The following SLC2A14 variants were observed in gnomAD, a reference collection of about 807,000 sequenced individuals.
SLC2A14 encodes the protein solute carrier family 2, facilitated glucose transporter member 14.
SLC2A14 carries 13 observed loss-of-function variants against 43.0 expected under a neutral mutation model. That is an observed-to-expected ratio of 0.30 (90% CI 0.20 to 0.48). The LOEUF is 0.48. SLC2A14 is among the 20% of genes least tolerant of loss of function. The probability of loss-of-function intolerance (pLI) is 0.99; values close to 1 mark genes in which losing one functional copy is unlikely to be tolerated. For missense variants in SLC2A14, 428 were observed against 620.4 expected (o/e 0.69, Z 3.29); for synonymous variants, 190 against 233.8 (o/e 0.81, Z 1.71).
At chr12:7,840,662 G>A (rs903504649) in intron 2 of SLC2A14, among the ~76,000 whole-genome samples, 5 of 152,146 alleles carry the variant, frequency 3.3e-5, no homozygotes, top group Admixed American at 6.6e-5. Flanking sequence ...CTGGGATTAC[G>A]GGCGTGAGGC....
intron 2 of SLC2A14, among the ~76,000 whole-genome samples, chr12:7,869,144 C>CAAAAA (rs1029431395): frequency 8.5e-6 from 1 of 117,194 alleles, no homozygotes; most frequent in Admixed American, 8.4e-5. Flanking sequence ...AACTCCATCT[C>CAAAAA]AAAAAAAAAA....
chr12:7,861,253 T>TG (rs992101371), intron 2 of SLC2A14, among the ~76,000 whole-genome samples: 10 of 151,962 alleles, frequency 6.6e-5, no homozygotes, highest in Non-Finnish European at 7.4e-5. Flanking sequence ...TTTTTTTTGG[T>TG]GGGGGGGAGG....
chr12:7,876,079 G>C (rs1420738580), upstream of SLC2A14, among the ~76,000 whole-genome samples: 1 of 151,834 alleles, frequency 6.6e-6, no homozygotes, highest in Non-Finnish European at 1.5e-5. Context: ...AGGAGTTTGA[G>C]ACCTGCCTGG....
chr12:7,855,543 A>G (rs1392310863), intron 2 of SLC2A14, among the ~76,000 whole-genome samples: 3 of 152,150 alleles, frequency 2.0e-5, no homozygotes, highest in Non-Finnish European at 4.4e-5. Context: ...CTACCCCTGC[A>G]GCTGCCTGTT....
chr12:7,834,414 C>T (rs1233482202), intron 2 of SLC2A14, among the ~76,000 whole-genome samples: 1 of 151,842 alleles, frequency 6.6e-6, no homozygotes, highest in Non-Finnish European at 1.5e-5. Flanking sequence ...TTGACCTGGG[C>T]ACAGTGGCTC....
intron 2 of SLC2A14, among the ~76,000 whole-genome samples, chr12:7,844,728 G>T (rs1244470547): frequency 6.6e-6 from 1 of 151,904 alleles, no homozygotes; most frequent in Admixed American, 6.6e-5. Flanking sequence ...GTAAAGAGGG[G>T]TTTCACCATA....
intron 1 of SLC2A14, among the ~76,000 whole-genome samples, chr12:7,883,322 C>T (rs1945624569): frequency 7.5e-6 from 1 of 133,552 alleles, no homozygotes; most frequent in Non-Finnish European, 1.5e-5. Context: ...GGGTGGAGTG[C>T]AGGGGCGTGA....
intron 7 of SLC2A14, among the ~76,000 whole-genome samples, chr12:7,826,860 T>TCCTTCC (rs377050811): frequency 1.4e-5 from 1 of 71,402 alleles, no homozygotes; most frequent in Non-Finnish European, 2.8e-5. Context: ...CTTCCTTTCT[T>TCCTTCC]TTTTCTTTCT....
chr12:7,882,630 G>T (rs1228133970), intron 1 of SLC2A14, among the ~76,000 whole-genome samples: 1 of 152,054 alleles, frequency 6.6e-6, no homozygotes, highest in Non-Finnish European at 1.5e-5. Context: ...TGAGCTCAGG[G>T]GTTAAAGACC....
intron 1 of SLC2A14, among the ~76,000 whole-genome samples, chr12:7,879,357 C>A (rs1207143752): frequency 6.6e-6 from 1 of 151,102 alleles, no homozygotes; most frequent in Non-Finnish European, 1.5e-5. Flanking sequence ...TGCACCCCAG[C>A]CTGGATGACA....
At chr12:7,884,337 T>C (rs1945653023) in intron 1 of SLC2A14, among the ~76,000 whole-genome samples, 1 of 152,140 alleles carries the variant, frequency 6.6e-6, no homozygotes, top group African/African-American at 2.4e-5. Context: ...TCCAACCCCT[T>C]TGCAATAACT....
intron 1 of SLC2A14, chr12:7,890,986 T>C (rs1451925573): frequency 5.9e-6 from 9 of 1,533,780 alleles, no homozygotes; most frequent in Non-Finnish European, 7.9e-6. Context: ...ATCTATCTAG[T>C]TCCACTTACC....
In SLC2A14 at chr12:7,872,837, C is replaced by A; in HGVS notation, c.-88G>T. On this transcript the variant is annotated 5_prime_UTR_variant, in exon 1 of 11. Transcript: ENST00000431042. ...AGACCCCGCGACTGCGGTTGGGCCC[C>A]GCGGCTTCGCTCAACCACGCACCTC... 3.0e-6 allele frequency: 3 copies of A among 985,418 alleles called. No homozygotes were observed. Among genetic ancestry groups the A allele is most frequent in the Non-Finnish European group, 3.6e-6 (3 of 830,052 alleles). 61.0% of individuals were successfully genotyped at this position (985,418 alleles called of 1,614,324 possible).
chr12:7,862,834 C>G (rs1215689976), intron 2 of SLC2A14, among the ~76,000 whole-genome samples: 2 of 152,202 alleles, frequency 1.3e-5, no homozygotes, highest in East Asian at 1.9e-4. Context: ...CTTGGAGAAT[C>G]TGTGTGTGGA....
chr12:7,864,920 T>C (rs1944826384), intron 2 of SLC2A14, among the ~76,000 whole-genome samples: 1 of 152,148 alleles, frequency 6.6e-6, no homozygotes, highest in Admixed American at 6.6e-5. Flanking sequence ...GTCACTCTGG[T>C]TTCTGCTCAA....
At chr12:7,851,514 A>G (rs996432251) in intron 2 of SLC2A14, among the ~76,000 whole-genome samples, 1 of 152,182 alleles carries the variant, frequency 6.6e-6, no homozygotes, top group Admixed American at 6.6e-5. Flanking sequence ...ATAAATGACT[A>G]GCTGACTGAA....
At chr12:7,877,678 G>A (rs1945486062), upstream of SLC2A14, among the ~76,000 whole-genome samples, 1 of 152,078 alleles carries the variant, frequency 6.6e-6, no homozygotes, top group South Asian at 2.1e-4. Context: ...GCCCGCCTCG[G>A]CCTCCCAAAG....
intron 2 of SLC2A14, among the ~76,000 whole-genome samples, chr12:7,868,454 T>C (rs1420497703): frequency 1.3e-5 from 2 of 152,178 alleles, no homozygotes; most frequent in Non-Finnish European, 2.9e-5. Flanking sequence ...GGTATGCCTG[T>C]ATTTAGAATA....
chr12:7,869,907 C>T lies in SLC2A14; in HGVS notation c.-27G>A. On this transcript the variant is annotated 5_prime_UTR_variant, in exon 2 of 11. Transcript: ENST00000431042. ...TCTCTGCTATCCTAGGAATTGACTC[C>T]CTCTCCAATTTCTCTTCAAGGTACT... is the stretch of plus-strand genomic sequence containing the variant. The T allele has an allele frequency of 6.5e-7, 1 of 1,528,898 alleles. No individual in the cohort carries two copies. Among genetic ancestry groups the T allele is most frequent in the Non-Finnish European group, 8.8e-7 (1 of 1,141,544 alleles). 94.7% of individuals were successfully genotyped at this position (1,528,898 alleles called of 1,614,324 possible).
Sources: allele counts gnomAD v4.1 joint callset (sites outside exome capture counted in the v4.1 genomes callset), GRCh38; gene constraint gnomAD v4.1.1; transcripts MANE v1.5; gene names NCBI Gene and HGNC (gene_info 2026-07-23, HGNC 2026-07-21).